Variants in RALGPS1 observed in about 807,000 individuals in gnomAD.
RALGPS1 encodes Ral GEF with PH domain and SH3 binding motif 1.
Under a neutral mutation model 78.8 loss-of-function variants are expected in RALGPS1, and 19 were observed. The observed-to-expected ratio is 0.24, with a 90% CI of 0.17 to 0.35. The LOEUF is 0.35. RALGPS1 is among the 10% of genes least tolerant of loss of function. The probability of loss-of-function intolerance (pLI) is 1.00; values close to 1 mark genes in which losing one functional copy is unlikely to be tolerated. For synonymous variants in RALGPS1, 228 were observed against 256.3 expected, an observed-to-expected ratio of 0.89 and a Z score of 1.06; for missense variants, 454 against 688.3, an observed-to-expected ratio of 0.66 and a Z score of 3.81.
At chr9:126,989,874 G>A (rs1365952226) in intron 4 of RALGPS1, 2 of 1,549,928 alleles carry the variant, frequency 1.3e-6, no homozygotes, top group South Asian at 1.2e-5. Context: ...CATCTGTTGG[G>A]TCCTTTTCTG....
At chr9:127,108,016 G>C in intron 8 of RALGPS1, 1 of 1,602,198 alleles carries the variant, frequency 6.2e-7, no homozygotes. Context: ...GATCTCGTTG[G>C]TAGAGATCTG....
At chr9:127,020,955 A>G (rs569414105) in intron 4 of RALGPS1, among the ~76,000 whole-genome samples, 1 of 152,352 alleles carries the variant, frequency 6.6e-6, no homozygotes, top group Admixed American at 6.5e-5. Flanking sequence ...GGAGCAATGG[A>G]TAAATATATG....
In RALGPS1 at chr9:127,034,476, G is replaced by T. The variant is rs1158612554; in HGVS notation, c.262G>T (p.Ala88Ser). The T allele has an allele frequency of 1.5e-5, 25 of 1,613,970 alleles. No homozygotes were observed. The highest frequency in any genetic ancestry group is 2.1e-5 in the Non-Finnish European group (25 of 1,179,982). Reference sequence around the variant, plus strand: ...GAGTAAGAAGGAGAAACACAGTCTTGCCCCTAACGTTGTGGCCTTTACCCG... The same window carrying T: ...GAGTAAGAAGGAGAAACACAGTCTTTCCCCTAACGTTGTGGCCTTTACCCG... ...GWSKKEKHSL[A>S]PNVVAFTRRF... Residue 88 changes from alanine (A) to serine (S), a missense_variant, in exon 5 of 19, where the codon GCC (alanine) becomes TCC (serine). Physicochemically the swap from Ala to Ser is moderately conservative, Grantham distance 99 (BLOSUM62 1). Coordinates refer to ENST00000259351, the MANE Select transcript of RALGPS1 (RefSeq NM_014636.3).
chr9:126,946,160 T>C (rs72764326), intron 1 of RALGPS1, among the ~76,000 whole-genome samples: 29 of 152,034 alleles, frequency 1.9e-4, no homozygotes, highest in Non-Finnish European at 3.7e-4. Flanking sequence ...TCTCTGTCCG[T>C]GATGGCCCAG....
intron 8 of RALGPS1, chr9:127,093,603 T>C (rs2052747088): frequency 4.4e-6 from 5 of 1,139,562 alleles, no homozygotes; most frequent in South Asian, 1.5e-5. Flanking sequence ...ATATGTGTTG[T>C]TGGGGCCGCA....
chr9:127,071,023 A>ATCTCTC (rs368013720), intron 8 of RALGPS1, among the ~76,000 whole-genome samples: 57 of 148,388 alleles, frequency 3.8e-4, no homozygotes, highest in African/African-American at 1.4e-3. Context: ...ATAAATTTGA[A>ATCTCTC]TCTCTCTCTC....
chr9:127,029,423 G>A (rs562354948), intron 4 of RALGPS1, among the ~76,000 whole-genome samples: 2 of 152,328 alleles, frequency 1.3e-5, no homozygotes, highest in African/African-American at 4.8e-5. Context: ...AAATCTGGCA[G>A]GTCTTTCCTG....
intron 8 of RALGPS1, among the ~76,000 whole-genome samples, chr9:127,152,109 T>C (rs1426643808): frequency 6.6e-6 from 1 of 152,218 alleles, no homozygotes; most frequent in African/African-American, 2.4e-5. Flanking sequence ...CAGTTTCATC[T>C]CTGACAGTTC....
At chr9:127,140,352 A>T (rs1048346380) in intron 8 of RALGPS1, among the ~76,000 whole-genome samples, 3 of 152,156 alleles carry the variant, frequency 2.0e-5, no homozygotes, top group Admixed American at 2.0e-4. Flanking sequence ...GATAGCTCTG[A>T]TTATTTGCAG....
At chr9:126,961,706 G>A (rs1175825061) in intron 1 of RALGPS1, among the ~76,000 whole-genome samples, 2 of 152,182 alleles carry the variant, frequency 1.3e-5, no homozygotes, top group African/African-American at 4.8e-5. Flanking sequence ...TGAGGTGGAA[G>A]GATCACCTGA....
intron 4 of RALGPS1, among the ~76,000 whole-genome samples, chr9:127,020,686 T>C (rs1426898440): frequency 6.6e-6 from 1 of 152,212 alleles, no homozygotes; most frequent in Non-Finnish European, 1.5e-5. Flanking sequence ...TAGTATGAGC[T>C]CAGTTGAGAG....
intron 7 of RALGPS1, among the ~76,000 whole-genome samples, chr9:127,059,182 C>G (rs967265475): frequency 1.3e-5 from 2 of 152,128 alleles, no homozygotes; most frequent in Non-Finnish European, 2.9e-5. Flanking sequence ...GCCCTTTGCC[C>G]CCTTTGACTG....
intron 4 of RALGPS1, among the ~76,000 whole-genome samples, chr9:126,988,883 A>AG (rs2042033862): frequency 6.6e-6 from 1 of 152,156 alleles, no homozygotes; most frequent in Non-Finnish European, 1.5e-5. Context: ...CCCTAGAGGT[A>AG]GGAGGAGGCC....
chr9:127,005,723 CAG>C (rs2043776379), intron 4 of RALGPS1, among the ~76,000 whole-genome samples: 1 of 152,100 alleles, frequency 6.6e-6, no homozygotes, highest in Admixed American at 6.6e-5. Context: ...ACTCACAAAA[CAG>C]AGAAAGAGGA....
chr9:127,034,297 C>T lies in RALGPS1; in HGVS notation c.217-134C>T, dbSNP rs903473272. ...CTACAAACCCAGCCCTTCTCTTCCACCTAGTAAAGATGGGAACAGCCAAGG... is the reference window on the plus strand; with the variant it reads ...CTACAAACCCAGCCCTTCTCTTCCATCTAGTAAAGATGGGAACAGCCAAGG... On this transcript the variant is annotated intron_variant, in intron 4 of 18. Coordinates refer to ENST00000259351, the MANE Select transcript of RALGPS1 (RefSeq NM_014636.3). The T allele has an allele frequency of 5.4e-6, 4 of 744,900 alleles. No individual in the cohort carries two copies. The African/African-American group carries it at 6.9e-5, about 13-fold the overall frequency. 46.1% of individuals were successfully genotyped at this position (744,900 alleles called of 1,614,324 possible).
intron 8 of RALGPS1, among the ~76,000 whole-genome samples, chr9:127,102,712 A>G (rs1162032229): frequency 1.3e-5 from 2 of 152,210 alleles, no homozygotes; most frequent in East Asian, 1.9e-4. Flanking sequence ...AAGCAAAGCA[A>G]TAAGGGAGCT....
chr9:127,052,114 G>A (rs2048347636), intron 6 of RALGPS1, among the ~76,000 whole-genome samples: 1 of 152,242 alleles, frequency 6.6e-6, no homozygotes, highest in Non-Finnish European at 1.5e-5. Flanking sequence ...GGACACACAA[G>A]TAGTGGGAGC....
chr9:127,066,367 A>G (rs1331834724), intron 7 of RALGPS1, among the ~76,000 whole-genome samples: 4 of 152,234 alleles, frequency 2.6e-5, no homozygotes, highest in Non-Finnish European at 2.9e-5. Flanking sequence ...TTGGCCGGGC[A>G]TGGTGGCTCA....
In RALGPS1 at chr9:127,174,703, C is replaced by G. The variant is rs1465868960; in HGVS notation, c.843-12C>G. The G allele has an allele frequency of 6.2e-7, 1 of 1,613,460 alleles. No individual in the cohort carries two copies. The highest frequency in any genetic ancestry group is 2.2e-5 in the East Asian group (1 of 44,892). The stretch of plus-strand genomic sequence containing the variant: ...AGAGCCCATCTGATCTTATGAAAAT[C>G]TTTGTTTTCAGACTGTCGCTCAGAA... On this transcript the variant is annotated splice_polypyrimidine_tract_variant and intron_variant, in intron 10 of 18. Transcript: ENST00000259351.
Sources: gnomAD v4.1 joint callset for allele counts (sites outside exome capture counted in the v4.1 genomes callset) on GRCh38, gnomAD v4.1.1 for gene constraint, MANE v1.5 for transcripts, NCBI Gene and HGNC (gene_info 2026-07-23, HGNC 2026-07-21) for gene names.